Variants in TMEM266 observed in about 807,000 individuals in gnomAD.
The protein encoded by TMEM266 is transmembrane protein 266, also known as Hv1 related protein 1.
TMEM266 carries 33 observed loss-of-function variants against 50.5 expected under a neutral mutation model. The ratio of observed to expected loss-of-function variants is 0.65; its 90% CI spans 0.50 to 0.87. The LOEUF (loss-of-function observed/expected upper bound fraction) is 0.87, where lower values mean the gene tolerates loss of function less well. Ranked by LOEUF, TMEM266 falls within the 40% of genes least tolerant of loss-of-function variation. The pLI, the probability that TMEM266 is intolerant of heterozygous loss-of-function variation, is 0.00. For missense variants in TMEM266, 655 were observed against 695.1 expected (o/e 0.94, Z 0.65); for synonymous variants, 310 against 292.3 (o/e 1.06, Z -0.62).
intron 1 of TMEM266, among the ~76,000 whole-genome samples, chr15:76,109,717 T>C (rs1168044155): frequency 2.0e-5 from 3 of 151,382 alleles, no homozygotes; most frequent in Non-Finnish European, 4.4e-5. Flanking sequence ...TTTTCTTTTT[T>C]TTTTTTTTTT....
At chr15:76,143,293 C>A (rs78045630) in intron 3 of TMEM266, among the ~76,000 whole-genome samples, 14,528 of 152,130 alleles carry the variant, frequency 0.095, 986 homozygotes, top group Admixed American at 0.21. Context: ...TTGAAAGCCT[C>A]GTGACGTTTG....
chr15:76,158,040 A>T (rs1013264712), intron 4 of TMEM266, among the ~76,000 whole-genome samples: 1 of 152,162 alleles, frequency 6.6e-6, no homozygotes, highest in African/African-American at 2.4e-5. Flanking sequence ...AGGTACAATT[A>T]TCAGCTCCAG....
chr15:76,177,322 G>A (rs2038301118), intron 8 of TMEM266, among the ~76,000 whole-genome samples: 1 of 152,226 alleles, frequency 6.6e-6, no homozygotes, highest in Admixed American at 6.5e-5. Context: ...GTGGGTCTTG[G>A]TAAATGTGTA....
intron 3 of TMEM266, among the ~76,000 whole-genome samples, chr15:76,145,503 C>T (rs184432996): frequency 9.1e-4 from 139 of 152,358 alleles, no homozygotes; most frequent in African/African-American, 3.0e-3. Flanking sequence ...GCAGCTCTCT[C>T]CTTCATGTAT....
At position 76,153,702 on chromosome 15, in the gene TMEM266, G is replaced by A. The variant is rs1238795307; in HGVS notation, c.228-2902G>A. Among the ~76,000 whole-genome samples, 3 of 152,250 alleles carry A rather than the reference G, an allele frequency of 2.0e-5. No homozygotes were observed. Among genetic ancestry groups the A allele is most frequent in the African/African-American group, 7.2e-5 (3 of 41,554 alleles). On this transcript the variant is annotated intron_variant, in intron 3 of 10. Transcript: ENST00000388942. This position sits in a 1 kb window ranked among gnomAD's most constrained non-coding sequence, Gnocchi z 4.2. ...ACTTGGGGTGAGAGGTGTGAAGGAT[G>A]AAAATGGGGCTGGCAAAAGGGGAGG...
At chr15:76,199,725 C>T (rs545971556) in intron 9 of TMEM266, among the ~76,000 whole-genome samples, 5 of 151,444 alleles carry the variant, frequency 3.3e-5, no homozygotes, top group East Asian at 2.0e-4. Flanking sequence ...GTGTGAAGTG[C>T]GGACCCCTAG....
At chr15:76,200,127 C>G (rs1335165292) in intron 9 of TMEM266, among the ~76,000 whole-genome samples, 1 of 152,142 alleles carries the variant, frequency 6.6e-6, no homozygotes, top group East Asian at 1.9e-4. Context: ...AGGGTGGGCT[C>G]ACTGTGACTC....
intron 7 of TMEM266, among the ~76,000 whole-genome samples, chr15:76,172,086 T>C (rs945894476): frequency 2.0e-5 from 3 of 152,138 alleles, no homozygotes; most frequent in African/African-American, 7.2e-5. Flanking sequence ...GAGCCACTCA[T>C]AGGGGGCTGG....
chr15:76,071,020 G>A (rs528764110), intron 1 of TMEM266, among the ~76,000 whole-genome samples: 3 of 152,266 alleles, frequency 2.0e-5, no homozygotes, highest in East Asian at 1.9e-4. Flanking sequence ...GGTTTGTCCC[G>A]GGGAAGAAGC....
At chr15:76,064,306 A>C (rs1160157869) in intron 1 of TMEM266, among the ~76,000 whole-genome samples, 2 of 152,204 alleles carry the variant, frequency 1.3e-5, no homozygotes, top group African/African-American at 2.4e-5. Flanking sequence ...CTGAGAGTTC[A>C]CTGCCAAAGC....
At chr15:76,098,419 C>G (rs569468634) in intron 1 of TMEM266, among the ~76,000 whole-genome samples, 1 of 152,120 alleles carries the variant, frequency 6.6e-6, no homozygotes, top group South Asian at 2.1e-4. Flanking sequence ...GGCTGCAGAA[C>G]AGCAAAGATG....
intron 1 of TMEM266, among the ~76,000 whole-genome samples, chr15:76,124,977 GTCC>G (rs1166821055): frequency 6.6e-6 from 1 of 152,056 alleles, no homozygotes; most frequent in African/African-American, 2.4e-5. Context: ...AAACCACATG[GTCC>G]TGGCATAAAA....
intron 3 of TMEM266, among the ~76,000 whole-genome samples, chr15:76,147,884 G>A (rs545950223): frequency 6.6e-6 from 1 of 152,306 alleles, no homozygotes; most frequent in African/African-American, 2.4e-5. Context: ...AATTAGCCAG[G>A]CGTGGTGGTG....
At chr15:76,190,361 T>G (rs1469364430) in intron 8 of TMEM266, among the ~76,000 whole-genome samples, 1 of 152,180 alleles carries the variant, frequency 6.6e-6, no homozygotes, top group Non-Finnish European at 1.5e-5. Flanking sequence ...GGCCAGATGG[T>G]GCACGTGCTT....
In TMEM266 at chr15:76,139,280, A is replaced by G. The variant is rs2037639744; in HGVS notation, c.227+1385A>G. ...ACACACCTTTTTTTGCAGAAACTAC[A>G]CCCCAGTGGCTTTCTCTGAAAATAT... On this transcript the variant is annotated intron_variant, in intron 3 of 10. Transcript: ENST00000388942. This position sits in a 1 kb window ranked among gnomAD's most constrained non-coding sequence, Gnocchi z 4.1. Among the ~76,000 whole-genome samples the G allele has an allele frequency of 6.6e-6, 1 of 152,048 alleles. No individual in the cohort carries two copies. Among genetic ancestry groups the G allele is most frequent in the African/African-American group, 2.4e-5 (1 of 41,388 alleles).
At chr15:76,192,221 C>G in intron 9 of TMEM266, 64 bp downstream of exon 9, 1 of 1,364,448 alleles carries the variant, frequency 7.3e-7, no homozygotes, top group South Asian at 1.6e-5. Flanking sequence ...GCCTCCCTCT[C>G]GCGCCCCGGG....
At chr15:76,068,386 G>A (rs2036473541) in intron 1 of TMEM266, among the ~76,000 whole-genome samples, 1 of 152,182 alleles carries the variant, frequency 6.6e-6, no homozygotes, top group South Asian at 2.1e-4. Context: ...TAATTCCATA[G>A]ACTACTGTAT....
intron 1 of TMEM266, among the ~76,000 whole-genome samples, chr15:76,094,833 T>C (rs928699671): frequency 1.3e-5 from 2 of 152,074 alleles, no homozygotes; most frequent in Non-Finnish European, 2.9e-5. Flanking sequence ...GTCCTTCACA[T>C]CCCTTGTAAG....
Position 76,202,332 on chromosome 15 carries a change from C to A in TMEM266, c.1021+68C>A, listed in dbSNP as rs1002017686. The A allele has an allele frequency of 2.8e-6, 4 of 1,427,640 alleles. No homozygotes were observed. The African/African-American group carries it at 4.3e-5, about 15-fold the overall frequency. The allele number at this position is 1,427,640 out of a possible 1,614,324, so 88.4% of individuals were successfully genotyped here. A position where few individuals can be genotyped will look rare whatever the true frequency, so the allele number is the denominator to read the frequency against. ...GCAATCCCTAAACCCAGAGACAACT[C>A]GGCCTGGCTTCAAAGCATGCCCATC... is the stretch of plus-strand genomic sequence containing the variant. On this transcript the variant is annotated intron_variant, in intron 10 of 10. Coordinates refer to ENST00000388942, the MANE Select transcript of TMEM266 (RefSeq NM_152335.3).
Sources: allele counts gnomAD v4.1 joint callset (sites outside exome capture counted in the v4.1 genomes callset), GRCh38; gene constraint gnomAD v4.1.1; non-coding constraint Gnocchi (gnomAD v3.1); transcripts MANE v1.5; gene names NCBI Gene and HGNC (gene_info 2026-07-23, HGNC 2026-07-21).